The following PRRX1 variants were observed in gnomAD, a reference collection of about 807,000 sequenced individuals.
PRRX1 encodes the protein paired mesoderm homeobox protein 1.
PRRX1 carries 8 observed loss-of-function variants against 24.0 expected under a neutral mutation model. The observed-to-expected ratio is 0.33, with a 90% confidence interval of 0.20 to 0.60. PRRX1 has a LOEUF of 0.60. PRRX1 is among the 20% of genes least tolerant of loss of function. PRRX1 has a pLI of 0.82. For missense variants in PRRX1, 281 were observed against 322.4 expected (o/e 0.87, Z 0.98); for synonymous variants, 160 against 131.7 (o/e 1.22, Z -1.47).
chr1:170,714,960 C>T (rs1654861282), intron 1 of PRRX1, among the ~76,000 whole-genome samples: 1 of 151,864 alleles, frequency 6.6e-6, no homozygotes, highest in Admixed American at 6.6e-5. Flanking sequence ...TTAGAAACAC[C>T]CATCTCTTTT....
chr1:170,664,634 G>A (rs1170441700), intron 1 of PRRX1, among the ~76,000 whole-genome samples, 175 bp downstream of exon 1: 1 of 152,224 alleles, frequency 6.6e-6, no homozygotes, highest in African/African-American at 2.4e-5. Context: ...AGAAAAGCGG[G>A]TCTCGGCCGA....
chr1:170,705,931 C>T (rs993456012), intron 1 of PRRX1, among the ~76,000 whole-genome samples: 3 of 106,302 alleles, frequency 2.8e-5, no homozygotes, highest in Admixed American at 1.0e-4. Context: ...CACACACACA[C>T]ACATACACAC....
chr1:170,703,138 C>G (rs1033990591), intron 1 of PRRX1, among the ~76,000 whole-genome samples: 1 of 152,162 alleles, frequency 6.6e-6, no homozygotes, highest in African/African-American at 2.4e-5. Context: ...AAATTATACC[C>G]AATACACTGC....
chr1:170,715,475 T>C (rs1654878837), intron 1 of PRRX1, among the ~76,000 whole-genome samples: 1 of 152,192 alleles, frequency 6.6e-6, no homozygotes, highest in South Asian at 2.1e-4. Flanking sequence ...AATATATGTA[T>C]ATAAATTTAG....
At chr1:170,710,099 A>G (rs1654697883) in intron 1 of PRRX1, among the ~76,000 whole-genome samples, 2 of 152,192 alleles carry the variant, frequency 1.3e-5, no homozygotes, top group Admixed American at 1.3e-4. Context: ...GCATGGAGGA[A>G]TATGTCAATC....
At chr1:170,666,197 G>A (rs1652921829) in intron 1 of PRRX1, among the ~76,000 whole-genome samples, 1 of 152,110 alleles carries the variant, frequency 6.6e-6, no homozygotes, top group Non-Finnish European at 1.5e-5. Context: ...GAGGCGGGCA[G>A]ATCACGAGGT....
chr1:170,692,713 CCTCTCTCTCTCTCTCT>C (rs375918496), intron 1 of PRRX1, among the ~76,000 whole-genome samples: 1 of 138,958 alleles, frequency 7.2e-6, no homozygotes, highest in Non-Finnish European at 1.5e-5. Context: ...ACTAACAAAT[CCTCTCTCTCTCTCTCT>C]CTCTCTCTCT....
chr1:170,715,351 A>G (rs961632318), intron 1 of PRRX1, among the ~76,000 whole-genome samples: 2 of 152,208 alleles, frequency 1.3e-5, no homozygotes, highest in African/African-American at 4.8e-5. Context: ...GTAATGTAAT[A>G]TGTCAAGGAA....
At chr1:170,665,457 C>T (rs890371916) in intron 1 of PRRX1, among the ~76,000 whole-genome samples, 7 of 152,244 alleles carry the variant, frequency 4.6e-5, no homozygotes, top group African/African-American at 1.7e-4. Context: ...TACAGATACT[C>T]CCTCTTCTCC....
chr1:170,695,897 G>A (rs766116688), intron 1 of PRRX1, among the ~76,000 whole-genome samples: 1 of 152,046 alleles, frequency 6.6e-6, no homozygotes. Context: ...TGAATGCATA[G>A]CACATGCTTG....
At chr1:170,693,669 G>C (rs1419115290) in intron 1 of PRRX1, among the ~76,000 whole-genome samples, 1 of 152,114 alleles carries the variant, frequency 6.6e-6, no homozygotes, top group African/African-American at 2.4e-5. Context: ...AAATTTGATA[G>C]TGTGGATAGT....
At chr1:170,689,793 ACTGATGAGATTTAATATTCCGTCTCT>A (rs1268659377) in intron 1 of PRRX1, among the ~76,000 whole-genome samples, 3 of 148,134 alleles carry the variant, frequency 2.0e-5, no homozygotes, top group Admixed American at 6.8e-5. Flanking sequence ...GTAGAGCCGA[ACTGATGAGATTTAATATTCCGTCTCT>A]CTCTCTCTCT....
At chr1:170,673,815 C>A (rs555946964) in intron 1 of PRRX1, among the ~76,000 whole-genome samples, 79 of 152,246 alleles carry the variant, frequency 5.2e-4, no homozygotes, top group Non-Finnish European at 1.0e-3. Flanking sequence ...TCCATCCATC[C>A]CCAAATCCTA....
intron 3 of PRRX1, 118 bp from the exon 4 acceptor site, chr1:170,735,930 T>C (rs1571354144): frequency 7.2e-7 from 1 of 1,386,288 alleles, no homozygotes; most frequent in Non-Finnish European, 1.0e-6. Flanking sequence ...GGTCATCTAG[T>C]CCAAGCCATT....
chr1:170,725,347 CT>C (rs1463765571), intron 2 of PRRX1, among the ~76,000 whole-genome samples: 1 of 152,184 alleles, frequency 6.6e-6, no homozygotes, highest in Non-Finnish European at 1.5e-5. Context: ...GTAGCAAATG[CT>C]GTCAGTGCTG....
At chr1:170,664,088 C>CCCCTCTCTCTCTCTCT, upstream of PRRX1, 1 of 661,376 alleles carries the variant, frequency 1.5e-6, no homozygotes, top group Non-Finnish European at 2.2e-6. Flanking sequence ...CCTCTTCCTC[C>CCCCTCTCTCTCTCTCT]CTCTCTCTCT....
At position 170,730,080 on chromosome 1, in the gene PRRX1, T is replaced by C. The variant is rs963877400; in HGVS notation, c.599+3679T>C. 1.1e-4 allele frequency: 72 copies of C among 663,148 alleles called. No homozygotes were observed. The African/African-American group carries it at 1.1e-3, about 10-fold the overall frequency. 41.1% of individuals were successfully genotyped at this position (663,148 alleles called of 1,614,324 possible). ...AGTGAATGGCCTGGTTTTGCATTAT[T>C]TACCTGAAGTGCCATTTCCAGAGGG... On this transcript the variant is annotated intron_variant, in intron 3 of 3. Coordinates refer to ENST00000239461, the MANE Select transcript of PRRX1 (RefSeq NM_022716.4).
At chr1:170,706,781 G>A (rs546032521) in intron 1 of PRRX1, among the ~76,000 whole-genome samples, 2 of 152,208 alleles carry the variant, frequency 1.3e-5, no homozygotes, top group Non-Finnish European at 1.5e-5. Context: ...ACACTTCATG[G>A]CCAGAAAAGC....
rs766027745 is a variant in PRRX1 at position 170,726,383 on chromosome 1, G to A, written c.581G>A (p.Gly194Glu). ...AGACCCACCGATTATCTCTCCTGGG[G>A]GACAGCGTCTCCGTACAGGTGAATG... ...APRPTDYLSWGTASPYSAMAT... is the reference protein window; with the variant it reads ...APRPTDYLSWETASPYSAMAT... The change falls in exon 3 of 4, where the codon GGG (glycine) becomes GAG (glutamate). Residue 194 changes from glycine to glutamate, a missense_variant. By Grantham distance (98) the Gly-to-Glu change is moderately conservative. Coordinates refer to ENST00000239461, the MANE Select transcript of PRRX1 (RefSeq NM_022716.4). 3.7e-6 allele frequency: 6 copies of A among 1,613,900 alleles called. No individual in the cohort carries two copies. Among genetic ancestry groups the A allele is most frequent in the Non-Finnish European group, 4.2e-6 (5 of 1,179,868 alleles).
Sources: allele counts gnomAD v4.1 joint callset (sites outside exome capture counted in the v4.1 genomes callset), GRCh38; gene constraint gnomAD v4.1.1; transcripts MANE v1.5; gene names NCBI Gene and HGNC (gene_info 2026-07-23, HGNC 2026-07-21).